CNTN3: variants seen among roughly 807,000 people sequenced by gnomAD.
CNTN3 encodes contactin-3.
Under a neutral mutation model 119.1 loss-of-function variants are expected in CNTN3, and 60 were observed. The observed-to-expected ratio is 0.50, with a 90% CI of 0.41 to 0.62. CNTN3 has a LOEUF of 0.62. CNTN3 is among the 20% of genes least tolerant of loss of function. CNTN3 has a pLI of 0.00. For missense variants in CNTN3, 1,101 were observed against 1,242.4 expected (o/e 0.89, Z 1.71); for synonymous variants, 450 against 438.7 (o/e 1.03, Z -0.32).
At chr3:74,353,429 T>G (rs956753987) in intron 11 of CNTN3, among the ~76,000 whole-genome samples, 4 of 152,060 alleles carry the variant, frequency 2.6e-5, no homozygotes, top group African/African-American at 9.7e-5. Flanking sequence ...TTGATCAGGG[T>G]GGAGATGAAT....
chr3:74,494,396 G>A (rs534230730), intron 3 of CNTN3, among the ~76,000 whole-genome samples: 2 of 152,066 alleles, frequency 1.3e-5, no homozygotes, highest in Non-Finnish European at 2.9e-5. Flanking sequence ...ATTGACTACT[G>A]ACAGGATTAG....
intron 4 of CNTN3, among the ~76,000 whole-genome samples, chr3:74,439,185 C>A (rs979946773): frequency 6.6e-6 from 1 of 152,170 alleles, no homozygotes; most frequent in African/African-American, 2.4e-5. Flanking sequence ...ATGAAGATTA[C>A]TTTTTAAAGG....
chr3:74,294,579 A>G (rs1281339453), intron 19 of CNTN3, among the ~76,000 whole-genome samples: 1 of 152,112 alleles, frequency 6.6e-6, no homozygotes, highest in African/African-American at 2.4e-5. Flanking sequence ...CAACACAAAC[A>G]TTTCCTGTTT....
chr3:74,528,098 T>G (rs1445887403), intron 1 of CNTN3, among the ~76,000 whole-genome samples: 3 of 151,882 alleles, frequency 2.0e-5, no homozygotes, highest in African/African-American at 7.2e-5. Context: ...TGATCTCTTC[T>G]TTTCCAAGAC....
At chr3:74,583,425 A>T (rs1704546094) in intron 1 of CNTN3, among the ~76,000 whole-genome samples, 1 of 152,170 alleles carries the variant, frequency 6.6e-6, no homozygotes, top group Non-Finnish European at 1.5e-5. Context: ...ACCTAGATAA[A>T]CCTGAAAAAT....
intron 1 of CNTN3, among the ~76,000 whole-genome samples, chr3:74,523,679 G>A (rs1703575357): frequency 6.6e-6 from 1 of 151,836 alleles, no homozygotes; most frequent in Admixed American, 6.6e-5. Flanking sequence ...AAACAATTGT[G>A]CAGTAACCTT....
intron 1 of CNTN3, among the ~76,000 whole-genome samples, chr3:74,538,123 A>C: frequency 6.6e-6 from 1 of 152,116 alleles, no homozygotes; most frequent in East Asian, 1.9e-4. Context: ...GCTGAGTTAT[A>C]GAAATACAGG....
chr3:74,358,366 G>C (rs1400436864), intron 11 of CNTN3, among the ~76,000 whole-genome samples: 1 of 151,768 alleles, frequency 6.6e-6, no homozygotes, highest in Non-Finnish European at 1.5e-5. Flanking sequence ...AGACACTGCT[G>C]GGTTAGCAAT....
intron 2 of CNTN3, among the ~76,000 whole-genome samples, chr3:74,514,168 T>G (rs1703413911): frequency 6.6e-6 from 1 of 152,042 alleles, no homozygotes; most frequent in Non-Finnish European, 1.5e-5. Context: ...ATGTGCATAG[T>G]GAGATCACAA....
At chr3:74,570,257 C>T (rs1483028175) in intron 1 of CNTN3, among the ~76,000 whole-genome samples, 5 of 151,988 alleles carry the variant, frequency 3.3e-5, no homozygotes. Context: ...TAGAATCCAG[C>T]CTACCATACT....
At chr3:74,318,160 A>G (rs1702882583) in intron 13 of CNTN3, among the ~76,000 whole-genome samples, 1 of 152,152 alleles carries the variant, frequency 6.6e-6, no homozygotes, top group African/African-American at 2.4e-5. Flanking sequence ...TTCTTCACGT[A>G]GTTCTCAAGC....
At chr3:74,441,992 A>G (rs955141049) in intron 4 of CNTN3, among the ~76,000 whole-genome samples, 2 of 152,102 alleles carry the variant, frequency 1.3e-5, no homozygotes, top group East Asian at 1.9e-4. Flanking sequence ...TAACTATTAC[A>G]TACTGAGGTA....
At chr3:74,302,658 G>A (rs774961527) in intron 14 of CNTN3, 32 bp downstream of exon 14, 1 of 1,295,300 alleles carries the variant, frequency 7.7e-7, no homozygotes, top group Non-Finnish European at 1.1e-6. Context: ...AAGATGTGAA[G>A]TGACAAACTC....
intron 4 of CNTN3, among the ~76,000 whole-genome samples, chr3:74,440,385 G>A (rs576560765): frequency 6.6e-6 from 1 of 151,572 alleles, no homozygotes; most frequent in African/African-American, 2.4e-5. Context: ...ATTGGTGGGA[G>A]ATTAATAATA....
chr3:74,568,573 G>A (rs1050716756), intron 1 of CNTN3, among the ~76,000 whole-genome samples: 1 of 152,172 alleles, frequency 6.6e-6, no homozygotes, highest in Non-Finnish European at 1.5e-5. Context: ...GATGCTCAGA[G>A]TAACACGGAG....
At chr3:74,386,978 T>C (rs1269099719) in intron 5 of CNTN3, among the ~76,000 whole-genome samples, 1 of 151,926 alleles carries the variant, frequency 6.6e-6, no homozygotes, top group Admixed American at 6.6e-5. Context: ...ATTCAAGAAG[T>C]GAGAAAATGG....
At chr3:74,588,403 G>A (rs1014835861) in intron 1 of CNTN3, among the ~76,000 whole-genome samples, 21 of 152,140 alleles carry the variant, frequency 1.4e-4, no homozygotes, top group Admixed American at 7.9e-4. Context: ...TACAAGGGAC[G>A]TGAAGGACCT....
chr3:74,463,748 G>A (rs114634292), intron 4 of CNTN3, among the ~76,000 whole-genome samples: 1,689 of 152,140 alleles, frequency 0.011, 31 homozygotes, highest in African/African-American at 0.038. Flanking sequence ...CTGGAGAGTC[G>A]GCATGTCTTA....
intron 19 of CNTN3, among the ~76,000 whole-genome samples, chr3:74,286,625 A>G (rs1702120095): frequency 6.6e-6 from 1 of 152,184 alleles, no homozygotes; most frequent in Non-Finnish European, 1.5e-5. Context: ...AGAAGGAGAG[A>G]CTGAGGAAAA....
Sources: gnomAD v4.1 joint callset for allele counts (sites outside exome capture counted in the v4.1 genomes callset) on GRCh38, gnomAD v4.1.1 for gene constraint, MANE v1.5 for transcripts, NCBI Gene and HGNC (gene_info 2026-07-23, HGNC 2026-07-21) for gene names.